Variants in CROT observed in about 807,000 individuals in gnomAD.
CROT encodes the protein peroxisomal carnitine O-octanoyltransferase.
In CROT, 84 loss-of-function variants were observed where a neutral mutation model predicts 89.2. That is an observed-to-expected ratio of 0.94 (90% confidence interval 0.79 to 1.13). The LOEUF (loss-of-function observed/expected upper bound fraction) is 1.13. Ranked by LOEUF, CROT falls within the 50% of genes most tolerant of loss-of-function variation. The pLI is 0.00. For missense variants in CROT, 711 were observed against 727.8 expected (o/e 0.98, Z 0.27); for synonymous variants, 212 against 239.5 (o/e 0.89, Z 1.06).
chr7:87,375,667 A>G lies in CROT; in HGVS notation c.692A>G (p.Glu231Gly), dbSNP rs769040801. The change falls in exon 8 of 18, where the codon GAA (glutamate) becomes GGA (glycine). Residue 231 changes from glutamate (E) to glycine (G), a missense_variant. By Grantham distance (98) the Glu-to-Gly change is moderately conservative (BLOSUM62 -2). Coordinates refer to ENST00000331536, the MANE Select transcript of CROT (RefSeq NM_021151.4). The stretch of plus-strand genomic sequence containing the variant: ...TATATCCACAAGAAGTGCCATAGTG[A>G]ACCTGATGGACCTGGGATTGCAGCA... ...LTYIHKKCHS[E>G]PDGPGIAALT... 1.2e-6 allele frequency: 2 copies of G among 1,613,532 alleles called. No homozygotes were observed. Among genetic ancestry groups the G allele is most frequent in the Non-Finnish European group, 1.7e-6 (2 of 1,179,534 alleles).
Position 87,375,714 on chromosome 7 carries a change from C to G in CROT, c.739C>G (p.Arg247Gly). 6.2e-7 allele frequency: 1 copy of G among 1,613,336 alleles called. No homozygotes were observed. The highest frequency in any genetic ancestry group is 8.5e-7 in the Non-Finnish European group (1 of 1,179,394). ...IAALTSEERT[R>G]WAKAREYLIG... ...AGCATTAACTAGTGAGGAGCGAACT[C>G]GATGGGCTAAGGTTCTGATTTACAC... The change falls in exon 8 of 18, where the codon CGA (arginine) becomes GGA (glycine). Residue 247 changes from arginine to glycine, a missense_variant. By Grantham distance (125) the Arg-to-Gly change is moderately radical. Transcript: ENST00000331536.
At position 87,382,430 on chromosome 7, in the gene CROT, T is replaced by G. The variant is rs1237445043; in HGVS notation, c.1188T>G (p.Ile396Met). 1.5e-5 allele frequency: 25 copies of G among 1,613,452 alleles called. No homozygotes were observed. Among genetic ancestry groups the G allele is most frequent in the Admixed American group, 6.7e-5 (4 of 59,894 alleles). Residue 396 changes from isoleucine (I) to methionine (M), a missense_variant, in exon 13 of 18, where the codon ATT becomes ATG. Ile to Met is a conservative substitution (Grantham distance 10). Transcript: ENST00000331536. ...QYLREASDLQ[I>M]AAYAFTSFGK... Reference sequence around the variant, plus strand: ...CTTGTTAGGCATCTGATCTACAGATTGCGGCTTATGCCTTTACATCTTTTG... The same window carrying G: ...CTTGTTAGGCATCTGATCTACAGATGGCGGCTTATGCCTTTACATCTTTTG...
chr7:87,385,787 A>G (rs571770741), intron 13 of CROT, among the ~76,000 whole-genome samples: 1 of 152,280 alleles, frequency 6.6e-6, no homozygotes, highest in South Asian at 2.1e-4. Context: ...CAATTTTTCC[A>G]TGTTCAGTAT....
intron 1 of CROT, 23 bp downstream of exon 1, chr7:87,345,790 C>A (rs1019435487): frequency 2.7e-4 from 70 of 259,322 alleles, no homozygotes; most frequent in Non-Finnish European, 1.0e-4. Context: ...AGCATTCCCT[C>A]CCTCCCCTAA....
chr7:87,395,859 A>G (rs1807506494), intron 17 of CROT, among the ~76,000 whole-genome samples: 1 of 152,150 alleles, frequency 6.6e-6, no homozygotes, highest in African/African-American at 2.4e-5. Context: ...GGCTCATTAC[A>G]TGCAGGACTC....
At chr7:87,385,148 T>C (rs2116079057) in intron 13 of CROT, among the ~76,000 whole-genome samples, 1 of 152,264 alleles carries the variant, frequency 6.6e-6, no homozygotes, top group African/African-American at 2.4e-5. Flanking sequence ...TTTTTTTTTT[T>C]TCCCCTGGTA....
chr7:87,353,500 G>C (rs1805946498), intron 3 of CROT, among the ~76,000 whole-genome samples: 1 of 152,156 alleles, frequency 6.6e-6, no homozygotes, highest in South Asian at 2.1e-4. Context: ...GAGGTGGTAT[G>C]TGTTAGGCCA....
chr7:87,360,724 T>C (rs1806238729), intron 4 of CROT, among the ~76,000 whole-genome samples: 2 of 152,176 alleles, frequency 1.3e-5, no homozygotes, highest in Admixed American at 1.3e-4. Flanking sequence ...TATTATTAGG[T>C]AAGGATTTAT....
At chr7:87,374,099 A>G (rs1386659519) in intron 7 of CROT, among the ~76,000 whole-genome samples, 1 of 152,128 alleles carries the variant, frequency 6.6e-6, no homozygotes, top group African/African-American at 2.4e-5. Context: ...TGTGTGGGTT[A>G]TAGAATATTT....
chr7:87,387,902 A>C (rs1239564724), intron 13 of CROT, among the ~76,000 whole-genome samples: 6 of 152,212 alleles, frequency 3.9e-5, no homozygotes, highest in Admixed American at 3.9e-4. Flanking sequence ...CAGTGACCCA[A>C]GATCATGCCA....
chr7:87,370,560 A>G (rs1212906276), intron 7 of CROT, among the ~76,000 whole-genome samples: 1 of 152,202 alleles, frequency 6.6e-6, no homozygotes, highest in African/African-American at 2.4e-5. Flanking sequence ...ATATATATCT[A>G]TTTATAACTT....
rs182634410 is a variant in CROT at position 87,392,164 on chromosome 7, A to G, written c.1426-402A>G. On this transcript the variant is annotated intron_variant, in intron 14 of 17. Transcript: ENST00000331536. ...TTAGACAACAGCAAATTTCCTTCTC[A>G]CTGTTATTTTAGTATTATATTTGTT... Among the ~76,000 whole-genome samples, 457 of 152,180 alleles carry G rather than the reference A, an allele frequency of 3.0e-3. 2 individuals are homozygous for G. Among genetic ancestry groups the G allele is most frequent in the Non-Finnish European group, 2.6e-3 (178 of 67,994 alleles).
intron 6 of CROT, among the ~76,000 whole-genome samples, chr7:87,367,166 T>A (rs372814643): frequency 1.3e-5 from 2 of 152,192 alleles, no homozygotes; most frequent in African/African-American, 4.8e-5. Context: ...AATGGGGACG[T>A]TATCCTAGAT....
chr7:87,398,856 G>A lies in CROT; in HGVS notation c.*212G>A. 1 of 538,034 alleles carries A rather than the reference G, an allele frequency of 1.9e-6. No homozygotes were observed. The highest frequency in any genetic ancestry group is 3.3e-6 in the Non-Finnish European group (1 of 303,914). The allele number at this position is 538,034 out of a possible 1,614,324, so 33.3% of individuals were successfully genotyped here. ...AATATTTTTAAGCTCCTCTGATGCA[G>A]CAGCAATGCAAATTATGACATAGTG... On this transcript the variant is annotated 3_prime_UTR_variant, in exon 18 of 18. Transcript: ENST00000331536.
chr7:87,398,754 A>G lies in CROT; in HGVS notation c.*110A>G. 1.9e-6 allele frequency: 2 copies of G among 1,038,408 alleles called. No individual in the cohort carries two copies. Among genetic ancestry groups the G allele is most frequent in the African/African-American group, 1.6e-5 (1 of 62,494 alleles). 64.3% of individuals were successfully genotyped at this position (1,038,408 alleles called of 1,614,324 possible). The stretch of plus-strand genomic sequence containing the variant: ...ATGTTGACTTGCTAACATTCCTTTA[A>G]CAAGTTAAGAAAACTTGTTAAATGT... On this transcript the variant is annotated 3_prime_UTR_variant, in exon 18 of 18. Coordinates refer to ENST00000331536, the MANE Select transcript of CROT (RefSeq NM_021151.4).
intron 3 of CROT, among the ~76,000 whole-genome samples, chr7:87,358,497 A>AG (rs1370037992): frequency 2.7e-5 from 4 of 149,694 alleles, no homozygotes; most frequent in East Asian, 1.9e-4. Flanking sequence ...AAAAAAAAAA[A>AG]AAAGAAAAGA....
intron 17 of CROT, among the ~76,000 whole-genome samples, chr7:87,397,073 G>C (rs1807549799): frequency 6.6e-6 from 1 of 152,038 alleles, no homozygotes; most frequent in South Asian, 2.1e-4. Context: ...AATTCTGTAG[G>C]CTAGGCATGG....
intron 7 of CROT, among the ~76,000 whole-genome samples, chr7:87,370,252 G>A (rs1039438642): frequency 2.0e-5 from 3 of 151,894 alleles, no homozygotes; most frequent in African/African-American, 7.3e-5. Flanking sequence ...GCACAATCTC[G>A]GCTCACTGCA....
intron 13 of CROT, among the ~76,000 whole-genome samples, chr7:87,383,382 A>C (rs31634): frequency 0.87 from 131,602 of 152,120 alleles, 57,107 homozygotes; most frequent in Middle Eastern, 0.94. Flanking sequence ...CTATTTCTGG[A>C]TTATTTCACT....
Sources: allele counts gnomAD v4.1 joint callset (sites outside exome capture counted in the v4.1 genomes callset), GRCh38; gene constraint gnomAD v4.1.1; transcripts MANE v1.5; gene names NCBI Gene and HGNC (gene_info 2026-07-23, HGNC 2026-07-21).